The following NKX2-2 variants were observed in gnomAD, a reference collection of about 807,000 sequenced individuals.
NKX2-2 encodes the protein NK2 homeobox 2.
A neutral mutation model predicts 24.6 loss-of-function variants in NKX2-2; 8 were observed. That is an observed-to-expected ratio of 0.32 (90% CI 0.19 to 0.59). NKX2-2 has a LOEUF of 0.59. Ranked by LOEUF, NKX2-2 falls within the 20% of genes least tolerant of loss-of-function variation. NKX2-2 has a pLI of 0.86. For missense variants in NKX2-2, 381 were observed against 373.9 expected (o/e 1.02, Z -0.16); for synonymous variants, 217 against 173.3 (o/e 1.25, Z -1.98).
rs773842995 is a variant in NKX2-2, at chr20:21,512,188, G to C, written c.557C>G (p.Ala186Gly). The C allele has an allele frequency of 6.2e-7, 1 of 1,613,842 alleles. No homozygotes were observed. Among genetic ancestry groups the C allele is most frequent in the Non-Finnish European group, 8.5e-7 (1 of 1,179,946 alleles). The change falls in exon 2 of 2, where the codon GCC becomes GGC. Residue 186 changes from alanine (A) to glycine (G), a missense_variant. Around this residue, in one of 3 missense-constraint regions of NKX2-2, gnomAD observed 139 missense variants for 121.7 expected, o/e 1.14. Transcript: ENST00000377142. ...FQNHRYKMKR[A>G]RAEKGMEVTP... is the part of the protein sequence containing the mutation. The stretch of plus-strand genomic sequence containing the variant: ...CACCTCCATACCTTTCTCGGCCCGG[G>C]CGCGCTTCATCTTGTAGCGGTGGTT...
At chr20:21,519,014 C>A (rs964484263), upstream of NKX2-2, among the ~76,000 whole-genome samples, 1 of 151,972 alleles carries the variant, frequency 6.6e-6, no homozygotes, top group Non-Finnish European at 1.5e-5. Context: ...CAGAGAAAGT[C>A]TTCGGGGGTA....
At chr20:21,519,636 G>C in the NKX2-2 span, among the ~76,000 whole-genome samples, 1 of 152,242 alleles carries the variant, frequency 6.6e-6, no homozygotes, top group Admixed American at 6.5e-5. Flanking sequence ...GCAGGAAGCA[G>C]AGGTGTCAGC....
chr20:21,521,296 G>A, the NKX2-2 span, among the ~76,000 whole-genome samples: 1 of 152,158 alleles, frequency 6.6e-6, no homozygotes, highest in African/African-American at 2.4e-5. Flanking sequence ...GGTAGTGTGT[G>A]CGTGTGTGTT....
Position 21,511,730 on chromosome 20 carries a change from G to A in NKX2-2, c.*193C>T, listed in dbSNP as rs1304800373. On this transcript the variant is annotated 3_prime_UTR_variant, in exon 2 of 2. Transcript: ENST00000377142. ...AGGAGAGGCATGGGCAGAGCTGGGT[G>A]GGTGGAATCTGCCACTCCAAGGAGA... 15 of 481,362 alleles carry A rather than the reference G, an allele frequency of 3.1e-5. No homozygotes were observed. The East Asian group carries it at 4.4e-4, about 14-fold the overall frequency. 29.8% of individuals were successfully genotyped at this position (481,362 alleles called of 1,614,324 possible).
upstream of NKX2-2, among the ~76,000 whole-genome samples, chr20:21,518,764 C>T (rs1328083690): frequency 2.0e-5 from 3 of 152,216 alleles, no homozygotes; most frequent in African/African-American, 7.2e-5. Flanking sequence ...CTCTAAACAA[C>T]AGCAAACCAG....
In NKX2-2 at chr20:21,513,336, C is replaced by G. The variant is rs1355051187; in HGVS notation, c.259+75G>C. 2 of 1,456,236 alleles carry G rather than the reference C, an allele frequency of 1.4e-6. No homozygotes were observed. The highest frequency in any genetic ancestry group is 1.8e-6 in the Non-Finnish European group (2 of 1,098,408). The allele number at this position is 1,456,236 out of a possible 1,614,324, so 90.2% of individuals were successfully genotyped here. A position where few individuals can be genotyped will look rare whatever the true frequency, so the allele number is the denominator to read the frequency against. On this transcript the variant is annotated intron_variant, in intron 1 of 1. Transcript: ENST00000377142. This position sits in a 1 kb window ranked among gnomAD's most constrained non-coding sequence, Gnocchi z 4.6. ...TTACATGGCCCCTTCCCCTTTCACT[C>G]CCAGCGTCCAACCCGGGCTGCGGCT... is the stretch of plus-strand genomic sequence containing the variant.
Position 21,511,882 on chromosome 20 carries a change from GGGGCCT to G in NKX2-2, c.*35_*40del. On this transcript the variant is annotated 3_prime_UTR_variant, in exon 2 of 2. Coordinates refer to ENST00000377142, the MANE Select transcript of NKX2-2 (RefSeq NM_002509.4). ...TCCTCGCCGCCACCGCCGCCGGGGT[GGGGCCT>G]GGGCCTGGGGCCGCGAGTCTCGTTG... is the stretch of plus-strand genomic sequence containing the variant. 1 of 1,493,570 alleles carries G rather than the reference GGGGCCT, an allele frequency of 6.7e-7. No individual in the cohort carries two copies. 92.5% of individuals were successfully genotyped at this position (1,493,570 alleles called of 1,614,324 possible). A position where few individuals can be genotyped will look rare whatever the true frequency, so the allele number is the denominator to read the frequency against.
At chr20:21,514,446 C>T (rs540155223), upstream of NKX2-2, among the ~76,000 whole-genome samples, 1 of 147,816 alleles carries the variant, frequency 6.8e-6, no homozygotes, top group African/African-American at 2.5e-5. Flanking sequence ...GCCACCGCGT[C>T]GCTCGCGAGT....
At position 21,513,710 on chromosome 20, in the gene NKX2-2, CA is replaced by C. The variant is rs1344262838; in HGVS notation, c.-42del. ...AATTTATGTCGCAAAGTTGTAGCTT[CA>C]CTTGGTCAATTCGTGGCGCTCCCCT... On this transcript the variant is annotated 5_prime_UTR_variant, in exon 1 of 2. Transcript: ENST00000377142. The surrounding 1 kb of genome is among the most constrained non-coding windows in gnomAD (Gnocchi z 4.6). The C allele has an allele frequency of 1.4e-6, 2 of 1,424,194 alleles. No individual in the cohort carries two copies. Among genetic ancestry groups the C allele is most frequent in the Non-Finnish European group, 1.8e-6 (2 of 1,088,852 alleles). 88.2% of individuals were successfully genotyped at this position (1,424,194 alleles called of 1,614,324 possible). A position where few individuals can be genotyped will look rare whatever the true frequency, so the allele number is the denominator to read the frequency against.
upstream of NKX2-2, among the ~76,000 whole-genome samples, chr20:21,515,281 G>T (rs1181034724): frequency 1.3e-5 from 2 of 151,996 alleles, no homozygotes; most frequent in Non-Finnish European, 2.9e-5. Context: ...GTGGGGGTGG[G>T]GGTTGTGTCT....
upstream of NKX2-2, among the ~76,000 whole-genome samples, chr20:21,515,960 G>C (rs1296553450): frequency 6.6e-6 from 1 of 152,188 alleles, no homozygotes; most frequent in Non-Finnish European, 1.5e-5. Flanking sequence ...CCTCGTCGGC[G>C]CGTCCTGGGT....
At position 21,511,986 on chromosome 20, in the gene NKX2-2, C is replaced by T. The variant is rs755201126; in HGVS notation, c.759G>A (p.Ser253=). 3 of 1,612,154 alleles carry T rather than the reference C, an allele frequency of 1.9e-6. No homozygotes were observed. The highest frequency in any genetic ancestry group is 8.5e-7 in the Non-Finnish European group (1 of 1,179,522). Reference sequence around the variant, plus strand: ...CTGTCGGGTACTGGGGGGTGCTGGCCGAGCTGTACTGGGCGTTGTACTGCA... The same window carrying T: ...CTGTCGGGTACTGGGGGGTGCTGGCTGAGCTGTACTGGGCGTTGTACTGCA... The part of the protein sequence containing the change: ...QHMQYNAQYS[S]ASTPQYPTAH... Residue 253 remains serine (S), a synonymous_variant, in exon 2 of 2, where the codon TCG becomes TCA. Transcript: ENST00000377142.
rs758033734 is a variant in NKX2-2, at chr20:21,511,950, C to A, written c.795G>T (p.Leu265=). 1 of 1,601,494 alleles carries A rather than the reference C, an allele frequency of 6.2e-7. No homozygotes were observed. Among genetic ancestry groups the A allele is most frequent in the African/African-American group, 1.3e-5 (1 of 74,902 alleles). ...STPQYPTAHP[L]VQAQQWTW ...ACCAAGTCCACTGCTGGGCCTGGAC[C>A]AGGGGGTGTGCTGTCGGGTACTGGG... The change falls in exon 2 of 2, where the codon CTG becomes CTT. Residue 265 remains leucine (L), a synonymous_variant. Transcript: ENST00000377142.
In NKX2-2 at chr20:21,512,287, A is replaced by G. The variant is rs1222028245; in HGVS notation, c.458T>C (p.Leu153Pro). 1 of 1,613,444 alleles carries G rather than the reference A, an allele frequency of 6.2e-7. No homozygotes were observed. Among genetic ancestry groups the G allele is most frequent in the Non-Finnish European group, 8.5e-7 (1 of 1,179,936 alleles). ...CAGGTGTTCGCGCTCGGGCGCCGAC[A>G]GGTACCGCTGCTGCCGAAAGCGCCG... is the stretch of plus-strand genomic sequence containing the variant. Reference protein sequence around the residue: ...LERRFRQQRYLSAPEREHLAS... With the variant: ...LERRFRQQRYPSAPEREHLAS... Residue 153 changes from leucine (L) to proline (P), a missense_variant, in exon 2 of 2, where the codon CTG (leucine) becomes CCG (proline). Around this residue, in one of 3 missense-constraint regions of NKX2-2, gnomAD observed 36 missense variants for 79.2 expected, o/e 0.45. Coordinates refer to ENST00000377142, the MANE Select transcript of NKX2-2 (RefSeq NM_002509.4).
At chr20:21,516,429 C>T (rs1335111372), upstream of NKX2-2, among the ~76,000 whole-genome samples, 3 of 137,320 alleles carry the variant, frequency 2.2e-5, no homozygotes, top group Non-Finnish European at 4.6e-5. Flanking sequence ...CTCTGTCTTT[C>T]TCAGCGCCCC....
upstream of NKX2-2, among the ~76,000 whole-genome samples, chr20:21,515,606 G>GGGA (rs908220206): frequency 1.3e-5 from 2 of 151,670 alleles, no homozygotes; most frequent in African/African-American, 4.9e-5. Flanking sequence ...TTGGGGGGGG[G>GGGA]GTGCAGGGGT....
chr20:21,520,694 C>T, the NKX2-2 span, among the ~76,000 whole-genome samples: 2 of 151,964 alleles, frequency 1.3e-5, no homozygotes, highest in African/African-American at 2.4e-5. Flanking sequence ...CCAGCCAATC[C>T]ATTATCACCG....
upstream of NKX2-2, among the ~76,000 whole-genome samples, chr20:21,517,408 C>G (rs1041318451): frequency 1.3e-5 from 2 of 152,200 alleles, no homozygotes; most frequent in Non-Finnish European, 2.9e-5. Flanking sequence ...TCCGGGTCCA[C>G]AGCACTCAGC....
the NKX2-2 span, among the ~76,000 whole-genome samples, chr20:21,521,330 G>T: frequency 3.3e-5 from 5 of 152,068 alleles, no homozygotes; most frequent in Non-Finnish European, 7.4e-5. Flanking sequence ...GGGGCGGAGG[G>T]GGCGCCCCTC....
Sources: gnomAD v4.1 joint callset for allele counts (sites outside exome capture counted in the v4.1 genomes callset) on GRCh38, gnomAD v4.1.1 for gene constraint, gnomAD v4.1.1 regional missense constraint, Gnocchi (gnomAD v3.1) non-coding constraint, MANE v1.5 for transcripts, NCBI Gene and HGNC (gene_info 2026-07-23, HGNC 2026-07-21) for gene names.